Variants in RECK observed in about 807,000 individuals in gnomAD.
RECK encodes the protein reversion inducing cysteine rich protein with kazal motifs, also known as reversion-inducing cysteine-rich protein with Kazal motifs.
Under a neutral mutation model 115.1 loss-of-function variants are expected in RECK, and 69 were observed. The ratio of observed to expected loss-of-function variants is 0.60; its 90% CI spans 0.49 to 0.73. The LOEUF (loss-of-function observed/expected upper bound fraction) is 0.73. Ranked by LOEUF, RECK falls within the 30% of genes least tolerant of loss-of-function variation. The pLI is 0.00. For synonymous variants in RECK, 414 were observed against 419.7 expected, an observed-to-expected ratio of 0.99 and a Z score of 0.17; for missense variants, 1,047 against 1,203.7, an observed-to-expected ratio of 0.87 and a Z score of 1.93.
At chr9:36,099,559 T>C (rs1169288663) in intron 10 of RECK, among the ~76,000 whole-genome samples, 1 of 152,192 alleles carries the variant, frequency 6.6e-6, no homozygotes, top group Non-Finnish European at 1.5e-5. Context: ...TTGCCCAGGC[T>C]GGCCTCGAAC....
chr9:36,090,766 G>A lies in RECK; in HGVS notation c.906-398G>A, dbSNP rs74370459. ...CAGAGGACCATGTCCTAGTTTTACC[G>A]TCTGTGACTGAACATAAATATAAGG... On this transcript the variant is annotated intron_variant, in intron 9 of 20. Coordinates refer to ENST00000377966, the MANE Select transcript of RECK (RefSeq NM_021111.3). 3.9e-3 allele frequency among the ~76,000 whole-genome samples: 601 copies of A among 152,264 alleles called. 4 individuals carry two copies. Among genetic ancestry groups the A allele is most frequent in the African/African-American group, 0.014 (573 of 41,554 alleles).
intron 16 of RECK, among the ~76,000 whole-genome samples, chr9:36,114,312 CCTT>C (rs928361736): frequency 3.9e-5 from 6 of 152,324 alleles, no homozygotes; most frequent in African/African-American, 1.4e-4. Context: ...CAATGCTTAA[CCTT>C]CTTCATGTTA....
In RECK at chr9:36,104,306, A is replaced by G. The variant is rs1268825836; in HGVS notation, c.1436-837A>G. On this transcript the variant is annotated intron_variant, in intron 12 of 20. Coordinates refer to ENST00000377966, the MANE Select transcript of RECK (RefSeq NM_021111.3). Reference sequence around the variant, plus strand: ...TGTGTGTGTGTGTATATATATATATATATATATATATATATATATATTTTT... The same window carrying G: ...TGTGTGTGTGTGTATATATATATATGTATATATATATATATATATATTTTT... Among the ~76,000 whole-genome samples the G allele has an allele frequency of 7.9e-4, 43 of 54,332 alleles. 1 individual carries two copies. Among genetic ancestry groups the G allele is most frequent in the African/African-American group, 3.7e-3 (32 of 8,640 alleles). 35.6% of individuals were successfully genotyped at this position (54,332 alleles called of 152,430 possible).
intron 6 of RECK, 47 bp from the exon 7 acceptor site, chr9:36,080,558 C>A (rs1564117389): frequency 2.1e-6 from 3 of 1,460,570 alleles, no homozygotes; most frequent in Non-Finnish European, 2.9e-6. Context: ...ATTACAAATT[C>A]TCTCTGGTTG....
At chr9:36,082,389 G>T (rs1176294626) in intron 7 of RECK, among the ~76,000 whole-genome samples, 1 of 151,888 alleles carries the variant, frequency 6.6e-6, no homozygotes, top group Non-Finnish European at 1.5e-5. Flanking sequence ...TCAACATTTT[G>T]CCCAGGCTGG....
chr9:36,038,789 G>A (rs7039903), intron 1 of RECK, among the ~76,000 whole-genome samples: 8,248 of 151,794 alleles, frequency 0.054, 720 homozygotes, highest in African/African-American at 0.18. Flanking sequence ...AAGGATTCCT[G>A]TGGTAAAACA....
intron 6 of RECK, among the ~76,000 whole-genome samples, chr9:36,070,487 A>G (rs1266015786): frequency 6.6e-6 from 1 of 151,742 alleles, no homozygotes; most frequent in East Asian, 1.9e-4. Context: ...AGAATCTAAT[A>G]GAATCTAAAA....
At chr9:36,042,753 A>T (rs541295780) in intron 1 of RECK, among the ~76,000 whole-genome samples, 17 of 152,118 alleles carry the variant, frequency 1.1e-4, no homozygotes, top group Admixed American at 1.3e-4. Flanking sequence ...GAATCTCCCT[A>T]CTGTTTTCCA....
intron 10 of RECK, among the ~76,000 whole-genome samples, chr9:36,091,840 G>A (rs187076705): frequency 6.6e-6 from 1 of 152,136 alleles, no homozygotes; most frequent in Admixed American, 6.5e-5. Context: ...GAGCCTTGGA[G>A]CATATCAACA....
chr9:36,084,556 G>A (rs986343727), intron 8 of RECK, among the ~76,000 whole-genome samples: 1 of 151,846 alleles, frequency 6.6e-6, no homozygotes, highest in East Asian at 1.9e-4. Flanking sequence ...TCAGCCAGGT[G>A]TGGTGGCACA....
intron 1 of RECK, among the ~76,000 whole-genome samples, chr9:36,043,752 C>G (rs1374383227): frequency 1.3e-5 from 2 of 152,060 alleles, no homozygotes; most frequent in East Asian, 3.9e-4. Context: ...GCCAATTATC[C>G]CAGCACCATT....
chr9:36,057,189 A>G, intron 2 of RECK, among the ~76,000 whole-genome samples: 1 of 151,720 alleles, frequency 6.6e-6, no homozygotes, highest in South Asian at 2.1e-4. Flanking sequence ...ATCTTACAGC[A>G]TTTTATGGAG....
intron 6 of RECK, among the ~76,000 whole-genome samples, chr9:36,077,195 G>A (rs917424638): frequency 6.6e-6 from 1 of 152,106 alleles, no homozygotes; most frequent in Non-Finnish European, 1.5e-5. Flanking sequence ...TTGGTAAGCA[G>A]GTCAAAAGAG....
chr9:36,104,327 T>TATATATATA (rs1491333559), intron 12 of RECK, among the ~76,000 whole-genome samples: 3 of 8,814 alleles, frequency 3.4e-4, no homozygotes, highest in African/African-American at 7.5e-4. Context: ...TATATATATA[T>TATATATATA]TTTTTTTTTT....
At chr9:36,118,501 G>C (rs1824347084) in intron 17 of RECK, among the ~76,000 whole-genome samples, 1 of 152,162 alleles carries the variant, frequency 6.6e-6, no homozygotes. Context: ...TCTCTTATCA[G>C]TTCACATGGA....
At chr9:36,088,075 A>T in intron 9 of RECK, 114 bp downstream of exon 9, 1 of 726,406 alleles carries the variant, frequency 1.4e-6, no homozygotes, top group Non-Finnish European at 2.3e-6. Context: ...TAGCATTTAG[A>T]AAATATAAAA....
chr9:36,061,460 C>T (rs1821764760), intron 4 of RECK, among the ~76,000 whole-genome samples: 1 of 145,888 alleles, frequency 6.9e-6, no homozygotes, highest in East Asian at 2.0e-4. Flanking sequence ...ACTGTAATCT[C>T]CCAAATAGGA....
intron 7 of RECK, among the ~76,000 whole-genome samples, 168 bp from the exon 8 acceptor site, chr9:36,083,197 T>C (rs1320718071): frequency 1.3e-5 from 2 of 152,224 alleles, no homozygotes; most frequent in Non-Finnish European, 2.9e-5. Flanking sequence ...AGCACTTGAA[T>C]GTCCCCGTGA....
chr9:36,091,182 T>G lies in RECK; in HGVS notation c.924T>G (p.Leu308=). 1 of 1,614,040 alleles carries G rather than the reference T, an allele frequency of 6.2e-7. No homozygotes were observed. Among genetic ancestry groups the G allele is most frequent in the Non-Finnish European group, 8.5e-7 (1 of 1,179,946 alleles). The change falls in exon 10 of 21, where the codon CTT becomes CTG. Residue 308 remains leucine (L), a synonymous_variant. Coordinates refer to ENST00000377966, the MANE Select transcript of RECK (RefSeq NM_021111.3). ...GTTTCAGGGAACTCTGCACTAAACTTTACAGCATGAGCTGGGGCAATACAC... is the reference window on the plus strand; with the variant it reads ...GTTTCAGGGAACTCTGCACTAAACTGTACAGCATGAGCTGGGGCAATACAC... ...TSTCRELCTK[L]YSMSWGNTQS...
Sources: gnomAD v4.1 joint callset for allele counts (sites outside exome capture counted in the v4.1 genomes callset) on GRCh38, gnomAD v4.1.1 for gene constraint, MANE v1.5 for transcripts, NCBI Gene and HGNC (gene_info 2026-07-23, HGNC 2026-07-21) for gene names.